PLAGL1: variants seen among roughly 807,000 people sequenced by gnomAD.
PLAGL1 encodes the protein PLAG1 like zinc finger 1, also known as zinc finger protein PLAGL1.
In PLAGL1, 1 loss-of-function variant was observed where a neutral mutation model predicts 4.6. That is an observed-to-expected ratio of 0.22 (90% CI 0.08 to 1.03). The LOEUF is 1.03. Ranked by LOEUF, PLAGL1 falls within the 50% of genes least tolerant of loss-of-function variation. PLAGL1 has a pLI of 0.58. For synonymous variants in PLAGL1, 240 were observed against 237.8 expected (o/e 1.01, Z -0.08); for missense variants, 464 against 570.4 (o/e 0.81, Z 1.90).
rs1781319257 is a variant in PLAGL1 at position 143,952,674 on chromosome 6, G to C, written c.-324-4214C>G. On this transcript the variant is annotated intron_variant, in intron 6 of 7. Coordinates refer to ENST00000674357, the MANE Select transcript of PLAGL1 (RefSeq NM_001317162.2). This position sits in a 1 kb window ranked among gnomAD's most constrained non-coding sequence, Gnocchi z 6.1. ...AGTCAGAACACAACTGTAGTTCCAG[G>C]ACTTCTCCAGTGCTACATAACACAT... Among the ~76,000 whole-genome samples, 1 of 152,130 alleles carries C rather than the reference G, an allele frequency of 6.6e-6. No individual in the cohort carries two copies. Among genetic ancestry groups the C allele is most frequent in the Non-Finnish European group, 1.5e-5 (1 of 68,026 alleles).
rs1791363050 is a variant in PLAGL1, at chr6:143,995,219, A to C, written c.-583-10045T>G. 6.6e-6 allele frequency among the ~76,000 whole-genome samples: 1 copy of C among 152,248 alleles called. No homozygotes were observed. Among genetic ancestry groups the C allele is most frequent in the South Asian group, 2.1e-4 (1 of 4,834 alleles). On this transcript the variant is annotated intron_variant, in intron 1 of 7. Transcript: ENST00000674357. This position sits in a 1 kb window ranked among gnomAD's most constrained non-coding sequence, Gnocchi z 4.4. Reference sequence around the variant, plus strand: ...GTCAACACAGAAAATATTCACAATAAAGCAAGGTCCCTTTCAATTTATCCT... The same window carrying C: ...GTCAACACAGAAAATATTCACAATACAGCAAGGTCCCTTTCAATTTATCCT...
At chr6:144,042,574 T>C (rs1186507503) in intron 1 of PLAGL1, among the ~76,000 whole-genome samples, 3 of 152,230 alleles carry the variant, frequency 2.0e-5, no homozygotes, top group Non-Finnish European at 4.4e-5. Context: ...TTGGTTACTG[T>C]AGCCTTATAG....
rs1794756782 is a variant in PLAGL1, at chr6:144,008,190, C to G, written c.-684G>C. Reference sequence around the variant, plus strand: ...GGGGAAGCGCCCCGCGCGCCAAGGCCCCGCGCTGCTGAGCTGTGAGCACGG... The same window carrying G: ...GGGGAAGCGCCCCGCGCGCCAAGGCGCCGCGCTGCTGAGCTGTGAGCACGG... On this transcript the variant is annotated 5_prime_UTR_variant, in exon 1 of 8. Transcript: ENST00000674357. The surrounding 1 kb of genome is among the most constrained non-coding windows in gnomAD (Gnocchi z 6.9). 1 of 152,018 alleles carries G rather than the reference C, an allele frequency of 6.6e-6. No homozygotes were observed. Among genetic ancestry groups the G allele is most frequent in the Admixed American group, 6.6e-5 (1 of 15,230 alleles). 9.4% of individuals were successfully genotyped at this position (152,018 alleles called of 1,614,324 possible).
At chr6:144,060,107 G>A (rs981937359) in intron 1 of PLAGL1, among the ~76,000 whole-genome samples, 7 of 151,800 alleles carry the variant, frequency 4.6e-5, no homozygotes, top group African/African-American at 1.7e-4. Flanking sequence ...AAGTGCAGTG[G>A]TGTGATCACA....
chr6:144,060,410 G>T (rs564915823), intron 1 of PLAGL1, among the ~76,000 whole-genome samples: 1 of 152,114 alleles, frequency 6.6e-6, no homozygotes, highest in Non-Finnish European at 1.5e-5. Flanking sequence ...TGCTCCCCAG[G>T]TTAAATGTTG....
rs1262977035 is a variant in PLAGL1 at position 143,964,124 on chromosome 6, C to A, written c.-399+663G>T. ...GGGCCTGATAAGGAGGTATGTCAGT[C>A]CCCAGCAATAGAGGCCCTGGCACCC... On this transcript the variant is annotated intron_variant, in intron 5 of 7. Coordinates refer to ENST00000674357, the MANE Select transcript of PLAGL1 (RefSeq NM_001317162.2). This position sits in a 1 kb window ranked among gnomAD's most constrained non-coding sequence, Gnocchi z 4.3. Among the ~76,000 whole-genome samples, 1 of 152,040 alleles carries A rather than the reference C, an allele frequency of 6.6e-6. No individual in the cohort carries two copies. The highest frequency in any genetic ancestry group is 1.5e-5 in the Non-Finnish European group (1 of 68,004).
chr6:143,956,025 C>T (rs1233391359), intron 6 of PLAGL1, among the ~76,000 whole-genome samples: 3 of 152,192 alleles, frequency 2.0e-5, no homozygotes, highest in African/African-American at 4.8e-5. Flanking sequence ...AATGGGCATT[C>T]GGGCCAGCAA....
At chr6:144,041,477 C>T (rs535737052) in intron 1 of PLAGL1, among the ~76,000 whole-genome samples, 10 of 152,250 alleles carry the variant, frequency 6.6e-5, no homozygotes, top group Admixed American at 5.9e-4. Flanking sequence ...ATGATGGTTT[C>T]CAGCTTCACC....
chr6:144,051,664 A>G (rs936319703), intron 1 of PLAGL1, among the ~76,000 whole-genome samples: 1 of 152,222 alleles, frequency 6.6e-6, no homozygotes, highest in Non-Finnish European at 1.5e-5. Flanking sequence ...GGTTTAATGG[A>G]CTTACAGTTC....
intron 6 of PLAGL1, among the ~76,000 whole-genome samples, chr6:143,956,217 T>C (rs1782096432): frequency 6.6e-6 from 1 of 152,242 alleles, no homozygotes; most frequent in Non-Finnish European, 1.5e-5. Flanking sequence ...CTAGAGTGGT[T>C]TGGTCAAGTG....
chr6:143,944,871 A>G (rs1302399781), intron 7 of PLAGL1, among the ~76,000 whole-genome samples: 1 of 151,290 alleles, frequency 6.6e-6, no homozygotes, highest in Non-Finnish European at 1.5e-5. Context: ...CTTTCATTAT[A>G]GAGGACTTTC....
intron 1 of PLAGL1, among the ~76,000 whole-genome samples, chr6:144,018,823 C>T (rs1185938202): frequency 2.0e-5 from 3 of 152,122 alleles, no homozygotes; most frequent in South Asian, 2.1e-4. Context: ...CTGCCAAAGA[C>T]GCACAAATTA....
At position 144,006,308 on chromosome 6, in the gene PLAGL1, G is replaced by A. The variant is rs1408786906; in HGVS notation, c.-584+1782C>T. The stretch of plus-strand genomic sequence containing the variant: ...AACACCCATATTTTAACATATTTGG[G>A]GGGAAATGTAACATTCAAACCCAGT... On this transcript the variant is annotated intron_variant, in intron 1 of 7. Coordinates refer to ENST00000674357, the MANE Select transcript of PLAGL1 (RefSeq NM_001317162.2). This position sits in a 1 kb window ranked among gnomAD's most constrained non-coding sequence, Gnocchi z 4.3. 2 of 152,030 alleles carry A rather than the reference G, an allele frequency of 1.3e-5. No individual in the cohort carries two copies. Among genetic ancestry groups the A allele is most frequent in the African/African-American group, 4.8e-5 (2 of 41,378 alleles). 9.4% of individuals were successfully genotyped at this position (152,030 alleles called of 1,614,324 possible).
At chr6:144,051,557 T>C (rs1798586751) in intron 1 of PLAGL1, among the ~76,000 whole-genome samples, 1 of 152,266 alleles carries the variant, frequency 6.6e-6, no homozygotes. Flanking sequence ...AAACATTTCA[T>C]GTTGCAACCA....
rs993926383 is a variant in PLAGL1 at position 143,974,671 on chromosome 6, C to T, written c.-543-5693G>A. ...TTTGGGCCTAGGGGACACATTTAAC[C>T]CCTCTGTCTTCCCACTCTTCCAAAA... On this transcript the variant is annotated intron_variant, in intron 2 of 7. Coordinates refer to ENST00000674357, the MANE Select transcript of PLAGL1 (RefSeq NM_001317162.2). Among the ~76,000 whole-genome samples, 6 of 152,080 alleles carry T rather than the reference C, an allele frequency of 3.9e-5. No individual in the cohort carries two copies. In the South Asian group the frequency reaches 6.2e-4, roughly 16 times the overall value.
Position 143,961,282 on chromosome 6 carries a change from C to T in PLAGL1, c.-398-740G>A, listed in dbSNP as rs1357168219. 1.3e-5 allele frequency: 2 copies of T among 152,216 alleles called. No individual in the cohort carries two copies. The highest frequency in any genetic ancestry group is 2.9e-5 in the Non-Finnish European group (2 of 68,040). The allele number at this position is 152,216 out of a possible 1,614,324, so 9.4% of individuals were successfully genotyped here. A position where few individuals can be genotyped will look rare whatever the true frequency, so the allele number is the denominator to read the frequency against. Reference sequence around the variant, plus strand: ...ACCAAGTAATTATCAAACTTGGCTTCTTCCTACCAAGGCTATTCCAACCAA... The same window carrying T: ...ACCAAGTAATTATCAAACTTGGCTTTTTCCTACCAAGGCTATTCCAACCAA... On this transcript the variant is annotated intron_variant, in intron 5 of 7. Coordinates refer to ENST00000674357, the MANE Select transcript of PLAGL1 (RefSeq NM_001317162.2). This position sits in a 1 kb window ranked among gnomAD's most constrained non-coding sequence, Gnocchi z 6.5.
At position 144,004,310 on chromosome 6, in the gene PLAGL1, T is replaced by A. The variant is rs149954765; in HGVS notation, c.-584+3780A>T. On this transcript the variant is annotated intron_variant, in intron 1 of 7. Transcript: ENST00000674357. This position sits in a 1 kb window ranked among gnomAD's most constrained non-coding sequence, Gnocchi z 4.2. ...GATTCTCCTGCCTCAGCCTCTTGAC[T>A]GGCTGGAATTATAGACAGGAGCCAT... 9.0e-4 allele frequency among the ~76,000 whole-genome samples: 137 copies of A among 152,342 alleles called. No individual in the cohort carries two copies. Among genetic ancestry groups the A allele is most frequent in the African/African-American group, 3.2e-3 (131 of 41,582 alleles).
intron 1 of PLAGL1, among the ~76,000 whole-genome samples, chr6:144,035,994 G>A (rs1416052725): frequency 5.9e-5 from 9 of 152,098 alleles, no homozygotes; most frequent in African/African-American, 1.7e-4. Flanking sequence ...GCATTTCTGG[G>A]TTTTATTGTG....
rs538848265 is a variant in PLAGL1 at position 143,957,111 on chromosome 6, C to T, written c.-325+3358G>A. ...TTGGATCTTTGACAGGCCTCCTCAC[C>T]TCTCCCCACCATATGCATTGTATTT... On this transcript the variant is annotated intron_variant, in intron 6 of 7. Coordinates refer to ENST00000674357, the MANE Select transcript of PLAGL1 (RefSeq NM_001317162.2). This position sits in a 1 kb window ranked among gnomAD's most constrained non-coding sequence, Gnocchi z 4.2. 6.6e-6 allele frequency among the ~76,000 whole-genome samples: 1 copy of T among 152,332 alleles called. No homozygotes were observed. The highest frequency in any genetic ancestry group is 1.9e-4 in the East Asian group (1 of 5,186).
Sources: gnomAD v4.1 joint callset for allele counts (sites outside exome capture counted in the v4.1 genomes callset) on GRCh38, gnomAD v4.1.1 for gene constraint, Gnocchi (gnomAD v3.1) non-coding constraint, MANE v1.5 for transcripts, NCBI Gene and HGNC (gene_info 2026-07-23, HGNC 2026-07-21) for gene names.